The following GALNT6 variants were observed in gnomAD, a reference collection of about 807,000 sequenced individuals.
The protein encoded by GALNT6 is polypeptide N-acetylgalactosaminyltransferase 6, also known as GalNAc transferase 6.
A neutral mutation model predicts 65.9 loss-of-function variants in GALNT6; 51 were observed. The observed-to-expected ratio is 0.77, with a 90% CI of 0.62 to 0.98. The LOEUF is 0.98. GALNT6 is among the 50% of genes least tolerant of loss of function. The probability of loss-of-function intolerance (pLI) is 0.00; values close to 1 mark genes in which losing one functional copy is unlikely to be tolerated. For missense variants in GALNT6, 708 were observed against 803.3 expected, an observed-to-expected ratio of 0.88 and a Z score of 1.43; for synonymous variants, 323 against 315.1, an observed-to-expected ratio of 1.02 and a Z score of -0.26.
chr12:51,390,168 T>C (rs796437774), intron 2 of GALNT6, among the ~76,000 whole-genome samples: 15,763 of 141,860 alleles, frequency 0.11, 931 homozygotes, highest in South Asian at 0.14. Context: ...TTTTTTTTTT[T>C]TTTTTTTTTT....
intron 11 of GALNT6, 109 bp downstream of exon 11, chr12:51,355,697 G>A (rs1199329985): frequency 1.0e-6 from 1 of 990,822 alleles, no homozygotes; most frequent in Admixed American, 2.2e-5. Context: ...TCGAACTCCT[G>A]ACCTCGTGAT....
intron 8 of GALNT6, 38 bp from the exon 9 acceptor site, chr12:51,358,299 C>CA: frequency 6.4e-7 from 1 of 1,558,556 alleles, no homozygotes; most frequent in South Asian, 1.2e-5. Flanking sequence ...TCAGTTCCAC[C>CA]AGTTTTTTTT....
chr12:51,384,871 C>T (rs888875991), intron 2 of GALNT6, among the ~76,000 whole-genome samples: 3 of 151,890 alleles, frequency 2.0e-5, no homozygotes, highest in African/African-American at 7.3e-5. Context: ...GGCAATAGAG[C>T]GAGACCCTGT....
intron 6 of GALNT6, among the ~76,000 whole-genome samples, chr12:51,362,023 G>T (rs554929961): frequency 9.9e-5 from 15 of 152,160 alleles, no homozygotes; most frequent in Non-Finnish European, 2.1e-4. Flanking sequence ...GGCTCCTGCA[G>T]CCACTTTCTG....
intron 2 of GALNT6, among the ~76,000 whole-genome samples, chr12:51,383,118 G>A (rs1947724195): frequency 6.6e-6 from 1 of 152,200 alleles, no homozygotes; most frequent in African/African-American, 2.4e-5. Context: ...AGCTGAGAGA[G>A]GTAGAGTTCC....
Position 51,390,887 on chromosome 12 carries a change from G to A in GALNT6, c.-141C>T, listed in dbSNP as rs901524492. 1 of 152,322 alleles carries A rather than the reference G, an allele frequency of 6.6e-6. No homozygotes were observed. The highest frequency in any genetic ancestry group is 2.4e-5 in the African/African-American group (1 of 41,450). 9.4% of individuals were successfully genotyped at this position (152,322 alleles called of 1,614,324 possible). A position where few individuals can be genotyped will look rare whatever the true frequency, so the allele number is the denominator to read the frequency against. ...TCTGGGTCTGCGATGATTGGCCCTGGATGCAAGTAAAAGCTGTTTCTCCTT... is the reference window on the plus strand; with the variant it reads ...TCTGGGTCTGCGATGATTGGCCCTGAATGCAAGTAAAAGCTGTTTCTCCTT... On this transcript the variant is annotated 5_prime_UTR_variant, in exon 2 of 12. Transcript: ENST00000356317.
At chr12:51,361,146 G>A (rs1946915516) in intron 6 of GALNT6, among the ~76,000 whole-genome samples, 1 of 152,222 alleles carries the variant, frequency 6.6e-6, no homozygotes, top group African/African-American at 2.4e-5. Flanking sequence ...ACAGAACGGA[G>A]AAAGACAGAT....
In GALNT6 at chr12:51,377,261, C is replaced by T. The variant is rs370652722; in HGVS notation, c.598G>A (p.Val200Ile). ...WSTLLRTVYS[V>I]LHTTPAILLK... ...AAGATGGCAGGGGTGGTGTGTAGGA[C>T]GCTGTACACTGTTCGCAGCAGTGTG... The change falls in exon 4 of 12, where the codon GTC becomes ATC. Residue 200 changes from valine to isoleucine, a missense_variant. Transcript: ENST00000356317. 24 of 1,613,750 alleles carry T rather than the reference C, an allele frequency of 1.5e-5. 1 individual carries two copies. Among genetic ancestry groups the T allele is most frequent in the African/African-American group, 9.3e-5 (7 of 74,998 alleles).
chr12:51,387,377 G>A lies in GALNT6; in HGVS notation c.-104+3473C>T, dbSNP rs761234096. On this transcript the variant is annotated intron_variant, in intron 2 of 11. Coordinates refer to ENST00000356317, the MANE Select transcript of GALNT6 (RefSeq NM_007210.4). The surrounding 1 kb of genome is among the most constrained non-coding windows in gnomAD (Gnocchi z 4.2). ...GGCCTCCCAAAGTACTAGGATTACA[G>A]GTGTGAGCCAATGCATCCAGCCTGT... 3.2e-4 allele frequency among the ~76,000 whole-genome samples: 48 copies of A among 152,276 alleles called. No individual in the cohort carries two copies. Among genetic ancestry groups the A allele is most frequent in the Non-Finnish European group, 5.4e-4 (37 of 68,032 alleles).
At chr12:51,355,301 AC>A (rs1413268603) in intron 11 of GALNT6, among the ~76,000 whole-genome samples, 1 of 151,790 alleles carries the variant, frequency 6.6e-6, no homozygotes, top group African/African-American at 2.4e-5. Flanking sequence ...ATAACCTGTC[AC>A]CCCATTTTTA....
intron 4 of GALNT6, among the ~76,000 whole-genome samples, chr12:51,372,635 C>T (rs1000260094): frequency 6.6e-6 from 1 of 152,174 alleles, no homozygotes; most frequent in Non-Finnish European, 1.5e-5. Context: ...CTGCTAGGGG[C>T]GGGTGCTCTG....
chr12:51,351,863 A>G lies in GALNT6; in HGVS notation c.*2516T>C, dbSNP rs1592302899. 1 of 152,110 alleles carries G rather than the reference A, an allele frequency of 6.6e-6. No individual in the cohort carries two copies. The highest frequency in any genetic ancestry group is 6.5e-5 in the Admixed American group (1 of 15,284). The allele number at this position is 152,110 out of a possible 1,614,324, so 9.4% of individuals were successfully genotyped here. A position where few individuals can be genotyped will look rare whatever the true frequency, so the allele number is the denominator to read the frequency against. On this transcript the variant is annotated 3_prime_UTR_variant, in exon 12 of 12. Transcript: ENST00000356317. ...GGGACAACACAGGTAAGAGAACACA[A>G]CGCGAGTTTCCTTGACCAATGCCAG...
Position 51,377,266 on chromosome 12 carries a change from T to G in GALNT6, c.593A>C (p.Tyr198Ser). ...EAWSTLLRTV[Y>S]SVLHTTPAIL... ...GGCAGGGGTGGTGTGTAGGACGCTG[T>G]ACACTGTTCGCAGCAGTGTGGACCA... The change falls in exon 4 of 12, where the codon TAC becomes TCC. Residue 198 changes from tyrosine to serine, a missense_variant. Coordinates refer to ENST00000356317, the MANE Select transcript of GALNT6 (RefSeq NM_007210.4). 1 of 1,613,710 alleles carries G rather than the reference T, an allele frequency of 6.2e-7. No homozygotes were observed. The highest frequency in any genetic ancestry group is 8.5e-7 in the Non-Finnish European group (1 of 1,179,906).
intron 9 of GALNT6, 36 bp from the exon 10 acceptor site, chr12:51,357,486 G>T: frequency 6.7e-7 from 1 of 1,484,360 alleles, no homozygotes; most frequent in Non-Finnish European, 9.4e-7. Context: ...AAGCAGGATG[G>T]CACAGTCAGG....
At chr12:51,391,584 C>A (rs1403102619), upstream of GALNT6, 2 of 152,058 alleles carry the variant, frequency 1.3e-5, no homozygotes, top group Non-Finnish European at 2.9e-5. Context: ...GGGTCGCGGG[C>A]TCCTTCTGCC....
In GALNT6 at chr12:51,354,344, G is replaced by A. The variant is rs759793808; in HGVS notation, c.*35C>T. The A allele has an allele frequency of 8.7e-6, 10 of 1,146,804 alleles. No individual in the cohort carries two copies. In the South Asian group the frequency reaches 1.5e-4, roughly 17 times the overall value. 71.0% of individuals were successfully genotyped at this position (1,146,804 alleles called of 1,614,324 possible). ...CATCAGCAATCCTGTTTCCTGAGGA[G>A]CTTGTGGGGGCTCTCTCTGGGGATG... On this transcript the variant is annotated 3_prime_UTR_variant, in exon 12 of 12. Transcript: ENST00000356317.
At chr12:51,357,225 T>G in intron 10 of GALNT6, 124 bp downstream of exon 10, 1 of 641,792 alleles carries the variant, frequency 1.6e-6, no homozygotes, top group South Asian at 1.8e-5. Flanking sequence ...CTCCTCCGAC[T>G]GGAAGCTTCC....
In GALNT6 at chr12:51,357,414, C is replaced by T. The variant is rs1439574952; in HGVS notation, c.1537G>A (p.Gly513Ser). 1 of 1,614,090 alleles carries T rather than the reference C, an allele frequency of 6.2e-7. No individual in the cohort carries two copies. Among genetic ancestry groups the T allele is most frequent in the Non-Finnish European group, 8.5e-7 (1 of 1,179,940 alleles). Reference sequence around the variant, plus strand: ...GGCTTCCCCCCGCGGTTGTTCTCACCCACATCCAGGCATTGGTTGGTGCCG... The same window carrying T: ...GGCTTCCCCCCGCGGTTGTTCTCACTCACATCCAGGCATTGGTTGGTGCCG... The part of the protein sequence containing the change: ...NLGTNQCLDV[G>S]ENNRGGKPLI... The change falls in exon 10 of 12, where the codon GGT becomes AGT. Residue 513 changes from glycine to serine, a missense_variant. Transcript: ENST00000356317.
At chr12:51,359,478 A>G in intron 7 of GALNT6, 146 bp from the exon 8 acceptor site, 1 of 577,442 alleles carries the variant, frequency 1.7e-6, no homozygotes, top group Non-Finnish European at 3.1e-6. Context: ...GAAAAAGGAT[A>G]CCGACCAGGC....
Sources: allele counts gnomAD v4.1 joint callset (sites outside exome capture counted in the v4.1 genomes callset), GRCh38; gene constraint gnomAD v4.1.1; non-coding constraint Gnocchi (gnomAD v3.1); transcripts MANE v1.5; gene names NCBI Gene and HGNC (gene_info 2026-07-23, HGNC 2026-07-21).